The following EPHB1 variants were observed in gnomAD, a reference collection of about 807,000 sequenced individuals.
EPHB1 encodes the protein EPH receptor B1, also known as ephrin type-B receptor 1.
A neutral mutation model predicts 94.4 loss-of-function variants in EPHB1; 30 were observed. The ratio of observed to expected loss-of-function variants is 0.32; its 90% CI spans 0.24 to 0.43. The LOEUF is 0.43. Among genes scored for constraint, EPHB1 ranks in the 20% least tolerant of loss-of-function variants. The pLI is 1.00. For missense variants in EPHB1, 1,055 were observed against 1,308.3 expected (o/e 0.81, Z 2.99); for synonymous variants, 522 against 489.1 (o/e 1.07, Z -0.89).
Position 134,844,375 on chromosome 3 carries a change from A to C in EPHB1, c.58+48686A>C, listed in dbSNP as rs559740461. Among the ~76,000 whole-genome samples, 45 of 152,318 alleles carry C rather than the reference A, an allele frequency of 3.0e-4. No individual in the cohort carries two copies. In the South Asian group the frequency reaches 7.7e-3, roughly 26 times the overall value. ...TCCAGTGGGATCTTCCACCTGTTCT[A>C]TAAGCAAGCGTAGCCTTAGGGCTGG... On this transcript the variant is annotated intron_variant, in intron 1 of 15. Coordinates refer to ENST00000398015, the MANE Select transcript of EPHB1 (RefSeq NM_004441.5).
chr3:135,030,624 C>T lies in EPHB1; in HGVS notation c.806-75824C>T, dbSNP rs568971. 8.3e-3 allele frequency among the ~76,000 whole-genome samples: 1,259 copies of T among 152,322 alleles called. 14 individuals carry two copies. The highest frequency in any genetic ancestry group is 0.015 in the African/African-American group (609 of 41,554). On this transcript the variant is annotated intron_variant, in intron 3 of 15. Transcript: ENST00000398015. ...GTCCTGGGAGAACCACTGCTCTCTT[C>T]GAAGCTGTCAGACAGGGACATTTAA... is the stretch of plus-strand genomic sequence containing the variant.
chr3:135,148,193 T>A (rs895289152), intron 5 of EPHB1, among the ~76,000 whole-genome samples: 1 of 152,212 alleles, frequency 6.6e-6, no homozygotes, highest in Non-Finnish European at 1.5e-5. Context: ...ATCTTGTATT[T>A]TTGGAATCTG....
chr3:135,246,708 AGAGGAG>A (rs67940910), intron 13 of EPHB1, among the ~76,000 whole-genome samples: 51,659 of 151,674 alleles, frequency 0.34, 8,811 homozygotes, highest in South Asian at 0.43. Flanking sequence ...ACAACAGTTT[AGAGGAG>A]GAGGAGAAAA....
At chr3:135,017,686 C>T (rs1227085528) in intron 3 of EPHB1, among the ~76,000 whole-genome samples, 1 of 152,186 alleles carries the variant, frequency 6.6e-6, no homozygotes, top group African/African-American at 2.4e-5. Flanking sequence ...TGGGACTGGC[C>T]TTCTCTGTGT....
intron 10 of EPHB1, among the ~76,000 whole-genome samples, chr3:135,181,902 A>T (rs1410621839): frequency 6.6e-6 from 1 of 152,162 alleles, no homozygotes; most frequent in Non-Finnish European, 1.5e-5. Context: ...CTCATGTGAT[A>T]TTGGGGAGAA....
At chr3:135,088,711 C>A (rs1938450197) in intron 3 of EPHB1, among the ~76,000 whole-genome samples, 1 of 152,180 alleles carries the variant, frequency 6.6e-6, no homozygotes, top group Non-Finnish European at 1.5e-5. Context: ...GATACTACTT[C>A]TCCTTGTATC....
At chr3:134,941,752 GACACACACACACACAC>G (rs3067391) in intron 2 of EPHB1, among the ~76,000 whole-genome samples, 13 of 134,702 alleles carry the variant, frequency 9.7e-5, no homozygotes, top group South Asian at 2.5e-4. Context: ...TATGCACACA[GACACACACACACACAC>G]ACACACACAC....
intron 3 of EPHB1, among the ~76,000 whole-genome samples, chr3:135,022,482 T>G (rs1936020690): frequency 6.6e-6 from 1 of 152,204 alleles, no homozygotes; most frequent in African/African-American, 2.4e-5. Flanking sequence ...GAAACCCACT[T>G]GTAACACTAC....
At chr3:135,242,897 G>A (rs903822755) in intron 13 of EPHB1, among the ~76,000 whole-genome samples, 2 of 151,990 alleles carry the variant, frequency 1.3e-5, no homozygotes, top group Non-Finnish European at 2.9e-5. Context: ...GGTCAATGTG[G>A]TACAACTTTG....
intron 2 of EPHB1, among the ~76,000 whole-genome samples, chr3:134,928,114 C>T (rs1451828102): frequency 1.3e-5 from 2 of 152,378 alleles, no homozygotes; most frequent in African/African-American, 4.8e-5. Flanking sequence ...TCGGTCTCAA[C>T]ATGGCCAAGC....
chr3:134,961,059 C>G (rs1413462165), intron 3 of EPHB1, among the ~76,000 whole-genome samples: 1 of 152,166 alleles, frequency 6.6e-6, no homozygotes, highest in Non-Finnish European at 1.5e-5. Context: ...GGATTCCACT[C>G]TTTAGGTCAT....
intron 1 of EPHB1, among the ~76,000 whole-genome samples, chr3:134,831,050 A>G (rs929577559): frequency 2.0e-5 from 3 of 152,228 alleles, no homozygotes; most frequent in African/African-American, 7.2e-5. Flanking sequence ...TGTAGCTTCT[A>G]GCATCTTCCA....
At chr3:135,258,410 G>A (rs1933509609) in intron 15 of EPHB1, among the ~76,000 whole-genome samples, 1 of 152,140 alleles carries the variant, frequency 6.6e-6, no homozygotes, top group African/African-American at 2.4e-5. Flanking sequence ...TCAACTATAA[G>A]CCATGAACTT....
At chr3:135,196,718 T>C (rs1576461899) in intron 11 of EPHB1, among the ~76,000 whole-genome samples, 1 of 152,256 alleles carries the variant, frequency 6.6e-6, no homozygotes, top group East Asian at 1.9e-4. Context: ...AACTGTTTCC[T>C]CCCCTCCAAC....
Position 135,192,591 on chromosome 3 carries a change from T to G in EPHB1, c.1898T>G (p.Val633Gly). The G allele has an allele frequency of 6.2e-7, 1 of 1,613,650 alleles. No homozygotes were observed. Among genetic ancestry groups the G allele is most frequent in the Non-Finnish European group, 8.5e-7 (1 of 1,179,804 alleles). Residue 633 changes from valine to glycine, a missense_variant, in exon 11 of 16, where the codon GTG becomes GGG. By Grantham distance (109) the Val-to-Gly change is moderately radical. Coordinates refer to ENST00000398015, the MANE Select transcript of EPHB1 (RefSeq NM_004441.5). ...GCTGTTGCAGGGGAGTTTGGAGAAG[T>G]GTACAAGGGGCGTTTGAAACTGCCA... is the stretch of plus-strand genomic sequence containing the variant. Reference protein sequence around the residue: ...EVIGAGEFGEVYKGRLKLPGK... With the variant: ...EVIGAGEFGEGYKGRLKLPGK...
chr3:134,932,004 C>T (rs546399554), intron 2 of EPHB1, among the ~76,000 whole-genome samples: 1 of 151,290 alleles, frequency 6.6e-6, no homozygotes, highest in East Asian at 1.9e-4. Context: ...TGTGTCTGCA[C>T]ACATATGCTT....
At chr3:135,006,921 G>A (rs1267920760) in intron 3 of EPHB1, among the ~76,000 whole-genome samples, 2 of 151,930 alleles carry the variant, frequency 1.3e-5, no homozygotes, top group African/African-American at 2.4e-5. Context: ...TTGCCACCCC[G>A]ACAGCTGAAA....
intron 3 of EPHB1, among the ~76,000 whole-genome samples, chr3:135,003,889 T>C (rs1455065044): frequency 2.0e-5 from 3 of 152,066 alleles, no homozygotes; most frequent in Non-Finnish European, 4.4e-5. Context: ...TACAGCACAC[T>C]GATGGGTCTT....
chr3:134,928,646 G>A lies in EPHB1; in HGVS notation c.123+2766G>A, dbSNP rs115899999. Among the ~76,000 whole-genome samples, 864 of 152,260 alleles carry A rather than the reference G, an allele frequency of 5.7e-3. 12 individuals carry two copies. The highest frequency in any genetic ancestry group is 0.019 in the African/African-American group (770 of 41,528). On this transcript the variant is annotated intron_variant, in intron 2 of 15. Coordinates refer to ENST00000398015, the MANE Select transcript of EPHB1 (RefSeq NM_004441.5). ...CTTGAAGCGTCTCTGAGGCACCCAC[G>A]GGAAGGTGTGCCATCAGTATTCGAC...
Sources: gnomAD v4.1 joint callset for allele counts (sites outside exome capture counted in the v4.1 genomes callset) on GRCh38, gnomAD v4.1.1 for gene constraint, MANE v1.5 for transcripts, NCBI Gene and HGNC (gene_info 2026-07-23, HGNC 2026-07-21) for gene names.